MPPED1: variants seen among roughly 807,000 people sequenced by gnomAD.
MPPED1 encodes the protein metallophosphoesterase domain-containing protein 1.
MPPED1 carries 16 observed loss-of-function variants against 36.2 expected under a neutral mutation model. The ratio of observed to expected loss-of-function variants is 0.44; its 90% CI spans 0.30 to 0.67. The LOEUF is 0.67. MPPED1 is among the 30% of genes least tolerant of loss of function. MPPED1 has a pLI of 0.10. For synonymous variants in MPPED1, 199 were observed against 191.3 expected (o/e 1.04, Z -0.33); for missense variants, 307 against 453.4 (o/e 0.68, Z 2.93).
intron 3 of MPPED1, among the ~76,000 whole-genome samples, chr22:43,441,833 T>C (rs1331721415): frequency 6.6e-6 from 1 of 152,204 alleles, no homozygotes; most frequent in African/African-American, 2.4e-5. Context: ...CATTTGCCAC[T>C]GCATGGAAGG....
At chr22:43,451,403 G>A (rs1312650752) in intron 3 of MPPED1, among the ~76,000 whole-genome samples, 5 of 152,146 alleles carry the variant, frequency 3.3e-5, no homozygotes, top group African/African-American at 1.2e-4. Context: ...TTTGAAATTT[G>A]TTTTTAAAAG....
At chr22:43,460,421 C>A (rs1930917970) in intron 3 of MPPED1, among the ~76,000 whole-genome samples, 1 of 151,858 alleles carries the variant, frequency 6.6e-6, no homozygotes, top group Admixed American at 6.6e-5. Context: ...ATATCCGTCT[C>A]CTGGGTTCAA....
intron 4 of MPPED1, among the ~76,000 whole-genome samples, chr22:43,490,465 A>T (rs1932048522): frequency 6.6e-6 from 1 of 151,958 alleles, no homozygotes; most frequent in Admixed American, 6.6e-5. Flanking sequence ...GGAAACTGTC[A>T]CCCCTAGAGG....
intron 2 of MPPED1, among the ~76,000 whole-genome samples, chr22:43,429,140 G>C (rs1929586273): frequency 6.6e-6 from 1 of 152,202 alleles, no homozygotes; most frequent in African/African-American, 2.4e-5. Context: ...TAGTCCCTTT[G>C]TGCCTTGTTC....
chr22:43,483,516 T>C (rs1312007071), intron 4 of MPPED1, among the ~76,000 whole-genome samples: 2 of 152,272 alleles, frequency 1.3e-5, no homozygotes, highest in Non-Finnish European at 2.9e-5. Flanking sequence ...CCTCCTCCTG[T>C]CTCTGCGTGA....
intron 3 of MPPED1, among the ~76,000 whole-genome samples, chr22:43,463,819 C>A (rs1466953776): frequency 1.2e-5 from 1 of 83,466 alleles, no homozygotes; most frequent in Admixed American, 1.2e-4. Context: ...TTCTTTCTTT[C>A]TTTCTTTCTT....
chr22:43,443,790 A>G (rs1270408368), intron 3 of MPPED1, among the ~76,000 whole-genome samples: 1 of 152,080 alleles, frequency 6.6e-6, no homozygotes, highest in Non-Finnish European at 1.5e-5. Flanking sequence ...CCAGACACAC[A>G]TTGTTATTCT....
At chr22:43,429,785 G>A (rs760038482) in intron 2 of MPPED1, among the ~76,000 whole-genome samples, 1 of 152,198 alleles carries the variant, frequency 6.6e-6, no homozygotes, top group Non-Finnish European at 1.5e-5. Flanking sequence ...GGAGTGTCAG[G>A]GATCACGGAG....
Position 43,505,698 on chromosome 22 carries a change from G to C in MPPED1, c.*82G>C. 7.7e-7 allele frequency: 1 copy of C among 1,304,374 alleles called. No homozygotes were observed. Among genetic ancestry groups the C allele is most frequent in the East Asian group, 2.5e-5 (1 of 39,342 alleles). 80.8% of individuals were successfully genotyped at this position (1,304,374 alleles called of 1,614,324 possible). A position where few individuals can be genotyped will look rare whatever the true frequency, so the allele number is the denominator to read the frequency against. ...GCCACTGTTCCTTCCATGCTGAGTT[G>C]CCTGGACGACCCATCTGGCTGCGGG... On this transcript the variant is annotated 3_prime_UTR_variant, in exon 7 of 7. Coordinates refer to ENST00000443721, the MANE Select transcript of MPPED1 (RefSeq NM_001044370.2).
At chr22:43,486,690 G>A (rs771145041) in intron 4 of MPPED1, among the ~76,000 whole-genome samples, 23 of 152,046 alleles carry the variant, frequency 1.5e-4, no homozygotes, top group Non-Finnish European at 3.1e-4. Context: ...AGGCAGCAGA[G>A]TTGCCAGCAC....
At chr22:43,490,616 A>T (rs1000030843) in intron 4 of MPPED1, among the ~76,000 whole-genome samples, 8 of 152,146 alleles carry the variant, frequency 5.3e-5, no homozygotes, top group African/African-American at 1.7e-4. Flanking sequence ...GCTCTCGGGA[A>T]CCAACAGACG....
chr22:43,497,060 G>T (rs1264524636), intron 4 of MPPED1, among the ~76,000 whole-genome samples: 1 of 148,428 alleles, frequency 6.7e-6, no homozygotes, highest in African/African-American at 2.5e-5. Flanking sequence ...GGTGGAGATG[G>T]TGGTGGTGGA....
intron 2 of MPPED1, among the ~76,000 whole-genome samples, chr22:43,433,297 G>A (rs1287917910): frequency 6.6e-6 from 1 of 152,156 alleles, no homozygotes; most frequent in African/African-American, 2.4e-5. Flanking sequence ...TGGCTGTATT[G>A]TCATCGTCTG....
In MPPED1 at chr22:43,495,480, T is replaced by C. The variant is rs1932251153; in HGVS notation, c.633-2755T>C. 6.2e-5 allele frequency among the ~76,000 whole-genome samples: 3 copies of C among 48,730 alleles called. No homozygotes were observed. In the South Asian group the frequency reaches 1.9e-3, roughly 31 times the overall value. The allele number at this position is 48,730 out of a possible 152,430, so 32.0% of individuals were successfully genotyped here. On this transcript the variant is annotated intron_variant, in intron 4 of 6. Transcript: ENST00000443721. The stretch of plus-strand genomic sequence containing the variant: ...GTGGAAGTGCTGGTGATGGTGGAGG[T>C]GGTGGTGGAGGTAGTGGTGGTGGAG...
At chr22:43,454,074 T>TA (rs1008864914) in intron 3 of MPPED1, among the ~76,000 whole-genome samples, 1 of 152,128 alleles carries the variant, frequency 6.6e-6, no homozygotes, top group African/African-American at 2.4e-5. Context: ...AGTGGTGCGA[T>TA]CTAGGCTCAC....
chr22:43,445,091 G>A (rs965942405), intron 3 of MPPED1, among the ~76,000 whole-genome samples: 3 of 152,138 alleles, frequency 2.0e-5, no homozygotes, highest in African/African-American at 4.8e-5. Context: ...CTGATTATTG[G>A]GAGATGTGCC....
At chr22:43,497,227 G>A (rs965742403) in intron 4 of MPPED1, among the ~76,000 whole-genome samples, 1 of 151,954 alleles carries the variant, frequency 6.6e-6, no homozygotes, top group Non-Finnish European at 1.5e-5. Context: ...TGGAGGTGGT[G>A]ATGCTGGTTA....
At chr22:43,452,172 C>T (rs1930594329) in intron 3 of MPPED1, among the ~76,000 whole-genome samples, 1 of 152,060 alleles carries the variant, frequency 6.6e-6, no homozygotes, top group Admixed American at 6.6e-5. Context: ...CGTGAGCCAT[C>T]ATGCTTGGCT....
intron 3 of MPPED1, 89 bp downstream of exon 3, chr22:43,435,304 C>G: frequency 7.1e-7 from 1 of 1,410,398 alleles, no homozygotes; most frequent in Non-Finnish European, 9.5e-7. Flanking sequence ...GCCTTTCCCT[C>G]CTGCGCTGCC....
Sources: allele counts gnomAD v4.1 joint callset (sites outside exome capture counted in the v4.1 genomes callset), GRCh38; gene constraint gnomAD v4.1.1; transcripts MANE v1.5; gene names NCBI Gene and HGNC (gene_info 2026-07-23, HGNC 2026-07-21).